ZNF398: variants seen among roughly 807,000 people sequenced by gnomAD.
ZNF398 encodes zinc finger DNA binding protein ZER6.
Under a neutral mutation model 41.9 loss-of-function variants are expected in ZNF398, and 18 were observed. The observed-to-expected ratio is 0.43, with a 90% confidence interval of 0.30 to 0.64. The LOEUF is 0.64. Ranked by LOEUF, ZNF398 falls within the 30% of genes least tolerant of loss-of-function variation. The pLI, the probability that ZNF398 is intolerant of heterozygous loss-of-function variation, is 0.14. For missense variants in ZNF398, 669 were observed against 822.8 expected (o/e 0.81, Z 2.29); for synonymous variants, 260 against 308.8 (o/e 0.84, Z 1.66).
chr7:149,138,318 G>A (rs892933634), intron 2 of ZNF398, among the ~76,000 whole-genome samples: 1 of 152,058 alleles, frequency 6.6e-6, no homozygotes, highest in African/African-American at 2.4e-5. Flanking sequence ...AGTGGCTCAC[G>A]CCTGTAATTC....
At chr7:149,165,654 T>G (rs1795212662) in intron 2 of ZNF398, among the ~76,000 whole-genome samples, 1 of 152,200 alleles carries the variant, frequency 6.6e-6, no homozygotes, top group African/African-American at 2.4e-5. Flanking sequence ...TCCTGTTTGC[T>G]CTCAGTCATC....
rs1022356607 is a variant in ZNF398, at chr7:149,127,965, G to A, written c.-611-858G>A. Among the ~76,000 whole-genome samples the A allele has an allele frequency of 6.3e-4, 96 of 152,134 alleles. 2 individuals are homozygous for A. Among genetic ancestry groups the A allele is most frequent in the Non-Finnish European group, 1.3e-4 (9 of 68,040 alleles). On this transcript the variant is annotated intron_variant, in intron 1 of 6. Transcript: ENST00000426851. ...CTTGAAACCTAGTTTTCTCTTTTTA[G>A]AAATGGTATATAAATGGAATCATAC...
At chr7:149,142,393 A>C (rs746746155) in intron 2 of ZNF398, among the ~76,000 whole-genome samples, 1 of 151,984 alleles carries the variant, frequency 6.6e-6, no homozygotes, top group Admixed American at 6.6e-5. Context: ...TGGGGCTGGG[A>C]GTGGTGGCTC....
chr7:149,136,794 T>G (rs1364250401), intron 2 of ZNF398, among the ~76,000 whole-genome samples: 1 of 151,860 alleles, frequency 6.6e-6, no homozygotes, highest in African/African-American at 2.4e-5. Context: ...GGTCTCGATC[T>G]CCTGACCTCG....
In ZNF398 at chr7:149,132,536, A is replaced by G. The variant is rs182420127; in HGVS notation, c.-490+3592A>G. On this transcript the variant is annotated intron_variant, in intron 2 of 6. Transcript: ENST00000426851. ...TCTTTCGAGAGAGAGAGGCACCCGT[A>G]TGGGACCTCTAGACCTCAGTGGAGT... is the stretch of plus-strand genomic sequence containing the variant. Among the ~76,000 whole-genome samples, 393 of 152,148 alleles carry G rather than the reference A, an allele frequency of 2.6e-3. 1 individual carries two copies. The highest frequency in any genetic ancestry group is 6.2e-3 in the Admixed American group (94 of 15,254).
At chr7:149,162,793 C>G (rs1795138341) in intron 2 of ZNF398, among the ~76,000 whole-genome samples, 1 of 151,966 alleles carries the variant, frequency 6.6e-6, no homozygotes, top group African/African-American at 2.4e-5. Context: ...CACAGTGGTT[C>G]ACGCCTGTAC....
intron 1 of ZNF398, 81 bp from the exon 2 acceptor site, chr7:149,153,864 G>A: frequency 1.4e-6 from 2 of 1,458,790 alleles, no homozygotes; most frequent in Non-Finnish European, 1.9e-6. Context: ...GGACAGTTAA[G>A]CAGTCCTTAT....
chr7:149,152,860 CTTT>C (rs752636514), intron 1 of ZNF398, among the ~76,000 whole-genome samples: 2 of 137,982 alleles, frequency 1.4e-5, no homozygotes. Context: ...TGCCCAGCCT[CTTT>C]TTTTTTTTTT....
intron 4 of ZNF398, among the ~76,000 whole-genome samples, chr7:149,172,446 C>A (rs1011111975): frequency 1.3e-5 from 2 of 151,894 alleles, no homozygotes; most frequent in Non-Finnish European, 1.5e-5. Context: ...AAGTACCCCG[C>A]GCTCCCCCCC....
At chr7:149,131,739 G>C (rs1585499854) in intron 2 of ZNF398, among the ~76,000 whole-genome samples, 1 of 152,052 alleles carries the variant, frequency 6.6e-6, no homozygotes, top group African/African-American at 2.4e-5. Context: ...AATGTAATAA[G>C]CCCCAGCCAT....
chr7:149,126,563 G>T, exon 1 of ZNF398: 1 of 430,576 alleles, frequency 2.3e-6, no homozygotes. Flanking sequence ...CGGAGGGGCA[G>T]GTGAACATGG....
chr7:149,136,645 G>A (rs1318156346), intron 2 of ZNF398, among the ~76,000 whole-genome samples: 1 of 151,780 alleles, frequency 6.6e-6, no homozygotes, highest in African/African-American at 2.4e-5. Context: ...TAGGCTTACT[G>A]CAACCTCTGC....
chr7:149,164,717 C>G (rs2129521059), intron 2 of ZNF398, among the ~76,000 whole-genome samples: 1 of 152,250 alleles, frequency 6.6e-6, no homozygotes, highest in East Asian at 1.9e-4. Context: ...GGATGAAAAG[C>G]TAGAATTTGA....
chr7:149,152,550 C>T (rs1243955600), intron 1 of ZNF398, among the ~76,000 whole-genome samples: 16 of 150,766 alleles, frequency 1.1e-4, no homozygotes, highest in African/African-American at 3.2e-4. Context: ...TGAGCCACCG[C>T]GCCTGGCCTA....
intron 2 of ZNF398, among the ~76,000 whole-genome samples, chr7:149,162,877 G>A (rs1322745021): frequency 1.4e-5 from 2 of 146,906 alleles, no homozygotes. Flanking sequence ...GGCCAACATG[G>A]CAAACCCCTG....
chr7:149,151,980 G>C (rs1202439), intron 1 of ZNF398, among the ~76,000 whole-genome samples: 130,740 of 151,872 alleles, frequency 0.86, 56,410 homozygotes, highest in Middle Eastern at 0.96. Context: ...CGCCCGTAAT[G>C]CCAACACTTT....
intron 4 of ZNF398, among the ~76,000 whole-genome samples, chr7:149,168,071 C>T (rs1052262237): frequency 9.2e-5 from 14 of 151,838 alleles, no homozygotes; most frequent in Admixed American, 4.6e-4. Flanking sequence ...TCCAGCCATC[C>T]GTCTATTATT....
intron 1 of ZNF398, 125 bp from the exon 2 acceptor site, chr7:149,153,820 C>A: frequency 8.8e-7 from 1 of 1,138,048 alleles, no homozygotes; most frequent in Non-Finnish European, 1.2e-6. Context: ...CATACGCAGG[C>A]AGTACTAGAA....
At chr7:149,145,627 T>C (rs894648253), upstream of ZNF398, among the ~76,000 whole-genome samples, 2 of 152,188 alleles carry the variant, frequency 1.3e-5, no homozygotes, top group African/African-American at 4.8e-5. Flanking sequence ...CACAGAGGAA[T>C]GGGATGAGCA....
Sources: allele counts gnomAD v4.1 joint callset (sites outside exome capture counted in the v4.1 genomes callset), GRCh38; gene constraint gnomAD v4.1.1; transcripts MANE v1.5; gene names NCBI Gene and HGNC (gene_info 2026-07-23, HGNC 2026-07-21).